The following USP18 variants were observed in gnomAD, a reference collection of about 807,000 sequenced individuals.
USP18 encodes ubiquitin specific peptidase 18, also known as ubl carboxyl-terminal hydrolase 18.
Under a neutral mutation model 48.7 loss-of-function variants are expected in USP18, and 11 were observed. That is an observed-to-expected ratio of 0.23 (90% CI 0.14 to 0.37). USP18 has a LOEUF of 0.37. Among genes scored for constraint, USP18 ranks in the 10% least tolerant of loss-of-function variants. The pLI is 1.00. For missense variants in USP18, 285 were observed against 436.4 expected (o/e 0.65, Z 3.09); for synonymous variants, 114 against 163.2 (o/e 0.70, Z 2.30).
At chr22:18,166,670 A>G (rs1444784406) in intron 4 of USP18, among the ~76,000 whole-genome samples, 2 of 152,104 alleles carry the variant, frequency 1.3e-5, no homozygotes, top group East Asian at 1.9e-4. Flanking sequence ...GTTGTCAGCC[A>G]GAGGGGAGGG....
intron 10 of USP18, among the ~76,000 whole-genome samples, chr22:18,174,561 C>A (rs188284513): frequency 9.2e-4 from 140 of 152,114 alleles, no homozygotes; most frequent in African/African-American, 3.2e-3. Flanking sequence ...TTTGAGCATA[C>A]CTCTTTTACA....
intron 2 of USP18, 52 bp downstream of exon 2, chr22:18,157,872 C>T (rs767715223): frequency 1.2e-6 from 2 of 1,607,222 alleles, no homozygotes; most frequent in Non-Finnish European, 1.7e-6. Flanking sequence ...AAATGTTCGG[C>T]TCACCCCCTC....
chr22:18,152,053 C>CAAAAAT (rs979948992), intron 1 of USP18, among the ~76,000 whole-genome samples: 35 of 151,326 alleles, frequency 2.3e-4, no homozygotes, highest in African/African-American at 8.0e-4. Flanking sequence ...GACTCCGTCT[C>CAAAAAT]AAAAATAAAA....
rs188264278 is a variant in USP18, at chr22:18,169,753, T to G, written c.628-91T>G. 4.2e-6 allele frequency: 6 copies of G among 1,427,560 alleles called. 1 individual carries two copies. Among genetic ancestry groups the G allele is most frequent in the Non-Finnish European group, 5.7e-6 (6 of 1,045,738 alleles). The allele number at this position is 1,427,560 out of a possible 1,614,324, so 88.4% of individuals were successfully genotyped here. On this transcript the variant is annotated intron_variant, in intron 6 of 10. Transcript: ENST00000215794. ...CTTATAAATTACCCAGTCTCAGCTA[T>G]TGTCTCACAGCAGTGTGAGAACAGA...
intron 10 of USP18, among the ~76,000 whole-genome samples, chr22:18,174,693 A>T (rs1389178954): frequency 2.6e-5 from 4 of 151,848 alleles, no homozygotes. Flanking sequence ...GGCACAGGTG[A>T]TCCTCCCACC....
chr22:18,155,620 G>A (rs963532957), intron 1 of USP18, among the ~76,000 whole-genome samples: 2 of 152,156 alleles, frequency 1.3e-5, no homozygotes, highest in South Asian at 2.1e-4. Context: ...CACTCGGAGC[G>A]GCCAGCCGGC....
chr22:18,173,923 C>T lies in USP18; in HGVS notation c.1073+81C>T, dbSNP rs996893646. On this transcript the variant is annotated intron_variant, in intron 10 of 10. Coordinates refer to ENST00000215794, the MANE Select transcript of USP18 (RefSeq NM_017414.4). ...GCTGCATGAAACGCCCATGGATTCC[C>T]CTGTTACTAACATGCTGATGGCTCA... 2.7e-6 allele frequency: 4 copies of T among 1,497,550 alleles called. No homozygotes were observed. In the African/African-American group the frequency reaches 5.6e-5, roughly 21 times the overall value. 92.8% of individuals were successfully genotyped at this position (1,497,550 alleles called of 1,614,324 possible).
intron 1 of USP18, among the ~76,000 whole-genome samples, chr22:18,157,122 G>A (rs905668563): frequency 6.6e-6 from 1 of 152,256 alleles, no homozygotes; most frequent in Non-Finnish European, 1.5e-5. Context: ...GCAGCTGGCC[G>A]GCAGTGTTGC....
intron 7 of USP18, among the ~76,000 whole-genome samples, chr22:18,170,421 G>A (rs1479131237): frequency 6.6e-6 from 1 of 152,208 alleles, no homozygotes; most frequent in African/African-American, 2.4e-5. Flanking sequence ...TCACTGAGAG[G>A]GACTGCAGGA....
In USP18 at chr22:18,167,969, G is replaced by C. The variant is rs777397035; in HGVS notation, c.560G>C (p.Arg187Thr). ...ICVDCAMESS[R>T]NSSMLTLPLS... ...GTTGACTGTGCCATGGAGAGTAGCAGAAACAGCAGCATGCTCACCCTCCCA... is the reference window on the plus strand; with the variant it reads ...GTTGACTGTGCCATGGAGAGTAGCACAAACAGCAGCATGCTCACCCTCCCA... Residue 187 changes from arginine to threonine, a missense_variant, in exon 6 of 11, where the codon AGA (arginine) becomes ACA (threonine). Arg to Thr is a moderately conservative substitution (Grantham distance 71). Coordinates refer to ENST00000215794, the MANE Select transcript of USP18 (RefSeq NM_017414.4). 1 of 1,614,154 alleles carries C rather than the reference G, an allele frequency of 6.2e-7. No individual in the cohort carries two copies. The highest frequency in any genetic ancestry group is 8.5e-7 in the Non-Finnish European group (1 of 1,180,040).
intron 8 of USP18, among the ~76,000 whole-genome samples, chr22:18,171,762 T>C (rs1220769466): frequency 6.6e-6 from 1 of 152,176 alleles, no homozygotes; most frequent in Non-Finnish European, 1.5e-5. Flanking sequence ...TTCTGTTTTA[T>C]TGGTCTGTTT....
chr22:18,164,045 C>G (rs541298026), intron 4 of USP18, among the ~76,000 whole-genome samples: 1 of 152,386 alleles, frequency 6.6e-6, no homozygotes, highest in East Asian at 1.9e-4. Context: ...CTCCTTCACG[C>G]ATTGTTTTAC....
intron 1 of USP18, among the ~76,000 whole-genome samples, chr22:18,150,603 C>T (rs951390919): frequency 1.3e-5 from 2 of 152,204 alleles, no homozygotes; most frequent in African/African-American, 2.4e-5. Flanking sequence ...GCTTTGTCCA[C>T]TGAGTATATT....
chr22:18,175,088 T>A (rs1929747680), intron 10 of USP18, among the ~76,000 whole-genome samples: 2 of 152,158 alleles, frequency 1.3e-5, no homozygotes, highest in Admixed American at 1.3e-4. Context: ...TAATTTTTTG[T>A]ATTTTTAGTA....
chr22:18,164,707 T>G (rs1205804893), intron 4 of USP18, among the ~76,000 whole-genome samples: 1 of 152,182 alleles, frequency 6.6e-6, no homozygotes, highest in Non-Finnish European at 1.5e-5. Flanking sequence ...GCACAGCTGC[T>G]GGAAGTGCTC....
chr22:18,165,601 G>T (rs2123735978), intron 4 of USP18, among the ~76,000 whole-genome samples: 1 of 151,208 alleles, frequency 6.6e-6, no homozygotes, highest in South Asian at 2.1e-4. Flanking sequence ...CTGGGCAAAA[G>T]GAAGAATCTG....
intron 1 of USP18, among the ~76,000 whole-genome samples, chr22:18,150,619 C>A (rs5993012): frequency 6.6e-6 from 1 of 152,166 alleles, no homozygotes; most frequent in African/African-American, 2.4e-5. Flanking sequence ...ATATTATGGA[C>A]ATCTTTTCAT....
chr22:18,175,423 T>C (rs1465628639), intron 10 of USP18, among the ~76,000 whole-genome samples: 1 of 150,594 alleles, frequency 6.6e-6, no homozygotes, highest in African/African-American at 2.5e-5. Flanking sequence ...CTACTTTTCA[T>C]CTTTCTCTCT....
At chr22:18,170,537 C>G (rs1929601172) in intron 7 of USP18, among the ~76,000 whole-genome samples, 1 of 151,714 alleles carries the variant, frequency 6.6e-6, no homozygotes, top group Non-Finnish European at 1.5e-5. Context: ...GAGCCCTGTG[C>G]CCTTGTGCCT....
Sources: gnomAD v4.1 joint callset for allele counts (sites outside exome capture counted in the v4.1 genomes callset) on GRCh38, gnomAD v4.1.1 for gene constraint, MANE v1.5 for transcripts, NCBI Gene and HGNC (gene_info 2026-07-23, HGNC 2026-07-21) for gene names.